CSMD1: variants seen among roughly 807,000 people sequenced by gnomAD.
CSMD1 encodes CUB and sushi domain-containing protein 1.
In CSMD1, 213 loss-of-function variants were observed where a neutral mutation model predicts 417.5. The ratio of observed to expected loss-of-function variants is 0.51; its 90% CI spans 0.46 to 0.57. CSMD1 has a LOEUF of 0.57. CSMD1 is among the 20% of genes least tolerant of loss of function. CSMD1 has a pLI of 0.00. For synonymous variants in CSMD1, 2,862 were observed against 1,736.8 expected (o/e 1.65, Z -16.11); for missense variants, 6,923 against 4,529.7 (o/e 1.53, Z -15.17).
At chr8:4,270,667 T>C (rs1011511126) in intron 3 of CSMD1, among the ~76,000 whole-genome samples, 1 of 152,206 alleles carries the variant, frequency 6.6e-6, no homozygotes, top group Non-Finnish European at 1.5e-5. Context: ...TCTGCCAATG[T>C]AGCTCCTTTC....
intron 23 of CSMD1, among the ~76,000 whole-genome samples, chr8:3,331,893 C>T (rs1362968703): frequency 1.3e-5 from 2 of 152,080 alleles, no homozygotes; most frequent in Admixed American, 1.3e-4. Flanking sequence ...TCCTGTCCTC[C>T]AGAGAGAAAT....
chr8:4,239,286 T>A (rs1172892844), intron 3 of CSMD1, among the ~76,000 whole-genome samples: 2 of 152,168 alleles, frequency 1.3e-5, no homozygotes, highest in South Asian at 4.1e-4. Flanking sequence ...TTGCATCAAC[T>A]TCTTCTTTTT....
At chr8:4,313,562 G>A (rs1798750652) in intron 3 of CSMD1, among the ~76,000 whole-genome samples, 1 of 151,756 alleles carries the variant, frequency 6.6e-6, no homozygotes, top group Non-Finnish European at 1.5e-5. Flanking sequence ...ACGTGTTATG[G>A]GAGGGAAAGA....
At chr8:4,877,841 T>C (rs1203787299) in intron 1 of CSMD1, among the ~76,000 whole-genome samples, 1 of 152,028 alleles carries the variant, frequency 6.6e-6, no homozygotes, top group Non-Finnish European at 1.5e-5. Flanking sequence ...TGCCTTCAAG[T>C]GAAAATATTT....
chr8:3,262,569 G>T (rs1801159574), intron 26 of CSMD1, among the ~76,000 whole-genome samples: 3 of 151,578 alleles, frequency 2.0e-5, no homozygotes, highest in Admixed American at 2.0e-4. Flanking sequence ...AAAATCAAAG[G>T]ACAAAGATTC....
At position 4,626,757 on chromosome 8, in the gene CSMD1, G is replaced by T. The variant is rs544913166; in HGVS notation, c.302+10585C>A. On this transcript the variant is annotated intron_variant, in intron 2 of 69. Transcript: ENST00000635120. Reference sequence around the variant, plus strand: ...GATGCCCCAAAGAAAATATATGAAGGCTTTATTCACTTAGATCTGAAAACC... The same window carrying T: ...GATGCCCCAAAGAAAATATATGAAGTCTTTATTCACTTAGATCTGAAAACC... Among the ~76,000 whole-genome samples, 42 of 152,098 alleles carry T rather than the reference G, an allele frequency of 2.8e-4. No individual in the cohort carries two copies. In the South Asian group the frequency reaches 7.9e-3, roughly 29 times the overall value.
intron 12 of CSMD1, among the ~76,000 whole-genome samples, chr8:3,416,682 G>A (rs111361722): frequency 6.7e-4 from 102 of 152,208 alleles, no homozygotes; most frequent in African/African-American, 2.3e-3. Flanking sequence ...CACATCCCCT[G>A]CTAACACCAT....
At chr8:3,384,780 T>TAACATATATA (rs1563333162) in intron 18 of CSMD1, among the ~76,000 whole-genome samples, 1 of 121,670 alleles carries the variant, frequency 8.2e-6, no homozygotes, top group East Asian at 2.2e-4. Context: ...TATATTTATA[T>TAACATATATA]AATATATATT....
chr8:2,957,453 C>T (rs2128923227), intron 63 of CSMD1, among the ~76,000 whole-genome samples: 1 of 152,282 alleles, frequency 6.6e-6, no homozygotes, highest in South Asian at 2.1e-4. Context: ...TTCTCTCCTC[C>T]CTGGCTCCCT....
chr8:3,317,243 A>G (rs1367773593), intron 23 of CSMD1, among the ~76,000 whole-genome samples: 1 of 152,182 alleles, frequency 6.6e-6, no homozygotes, highest in African/African-American at 2.4e-5. Context: ...TTTCATTGAT[A>G]ACACCTGTTA....
At chr8:3,815,095 A>AT (rs1448007981) in intron 5 of CSMD1, among the ~76,000 whole-genome samples, 1 of 152,152 alleles carries the variant, frequency 6.6e-6, no homozygotes, top group Non-Finnish European at 1.5e-5. Context: ...TGAGCTGTAC[A>AT]TTTTTTCAGA....
chr8:3,964,024 T>C (rs187485708), intron 5 of CSMD1, among the ~76,000 whole-genome samples: 465 of 152,352 alleles, frequency 3.1e-3, no homozygotes, highest in African/African-American at 4.2e-3. Flanking sequence ...AGAAACTTCA[T>C]GCTTTGCATA....
chr8:4,747,172 GA>G (rs1811014058), intron 1 of CSMD1, among the ~76,000 whole-genome samples: 1 of 152,142 alleles, frequency 6.6e-6, no homozygotes, highest in African/African-American at 2.4e-5. Flanking sequence ...AGGGGGAGAG[GA>G]AAGGAGTCCT....
chr8:4,965,321 GTATTACTTCAATCAA>G (rs1451360420), intron 1 of CSMD1, among the ~76,000 whole-genome samples: 7 of 152,320 alleles, frequency 4.6e-5, no homozygotes, highest in Admixed American at 4.6e-4. Flanking sequence ...TGCTTTACAT[GTATTACTTCAATCAA>G]AGTCAAACCT....
chr8:4,652,549 G>A (rs904784626), intron 1 of CSMD1, among the ~76,000 whole-genome samples: 2 of 152,026 alleles, frequency 1.3e-5, no homozygotes, highest in Admixed American at 6.6e-5. Flanking sequence ...CTACTCAGCA[G>A]GTTGAGGCAG....
At chr8:4,452,754 A>T (rs780495697) in intron 2 of CSMD1, among the ~76,000 whole-genome samples, 2 of 152,154 alleles carry the variant, frequency 1.3e-5, no homozygotes, top group Non-Finnish European at 1.5e-5. Flanking sequence ...ATCTTTCAAC[A>T]TATCATCCAA....
At chr8:4,546,974 G>A (rs1214708160) in intron 2 of CSMD1, among the ~76,000 whole-genome samples, 1 of 152,030 alleles carries the variant, frequency 6.6e-6, no homozygotes, top group African/African-American at 2.4e-5. Context: ...ACATGAAGTA[G>A]GCATCACCCT....
At chr8:3,675,087 A>C (rs901500364) in intron 7 of CSMD1, among the ~76,000 whole-genome samples, 1 of 152,126 alleles carries the variant, frequency 6.6e-6, no homozygotes, top group African/African-American at 2.4e-5. Flanking sequence ...TCGACCATAA[A>C]ACGCCATCTT....
chr8:4,416,724 T>C (rs2128937771), intron 3 of CSMD1, among the ~76,000 whole-genome samples: 1 of 152,240 alleles, frequency 6.6e-6, no homozygotes, highest in African/African-American at 2.4e-5. Flanking sequence ...TTCAATGTCC[T>C]CAAGTCTAAT....
Sources: allele counts gnomAD v4.1 joint callset (sites outside exome capture counted in the v4.1 genomes callset), GRCh38; gene constraint gnomAD v4.1.1; transcripts MANE v1.5; gene names NCBI Gene and HGNC (gene_info 2026-07-23, HGNC 2026-07-21).